Variants in ARHGAP24 observed in about 807,000 individuals in gnomAD.
The protein encoded by ARHGAP24 is Rho GTPase activating protein 24.
Under a neutral mutation model 76.4 loss-of-function variants are expected in ARHGAP24, and 50 were observed. The ratio of observed to expected loss-of-function variants is 0.65; its 90% confidence interval spans 0.52 to 0.83. The LOEUF is 0.83. ARHGAP24 is among the 40% of genes least tolerant of loss of function. The pLI, the probability that ARHGAP24 is intolerant of heterozygous loss-of-function variation, is 0.00. For missense variants in ARHGAP24, 930 were observed against 914.2 expected, an observed-to-expected ratio of 1.02 and a Z score of -0.22; for synonymous variants, 345 against 323.3, an observed-to-expected ratio of 1.07 and a Z score of -0.72.
intron 2 of ARHGAP24, among the ~76,000 whole-genome samples, chr4:85,653,726 C>T (rs535720157): frequency 6.6e-6 from 1 of 152,124 alleles, no homozygotes; most frequent in Admixed American, 6.6e-5. Context: ...CTCAAGTGAT[C>T]CACCCACCTC....
At chr4:85,579,116 G>A (rs1170679854) in intron 2 of ARHGAP24, among the ~76,000 whole-genome samples, 1 of 151,956 alleles carries the variant, frequency 6.6e-6, no homozygotes, top group African/African-American at 2.4e-5. Context: ...AATTCTCTTT[G>A]CAAAACCGGC....
At chr4:85,564,058 A>G (rs1235609903) in intron 1 of ARHGAP24, among the ~76,000 whole-genome samples, 4 of 152,182 alleles carry the variant, frequency 2.6e-5, no homozygotes, top group African/African-American at 7.2e-5. Flanking sequence ...TAAACACTGG[A>G]TGGCAACACT....
intron 8 of ARHGAP24, among the ~76,000 whole-genome samples, chr4:85,987,815 TACAAAC>T (rs1740093454): frequency 6.6e-6 from 1 of 151,816 alleles, no homozygotes; most frequent in Non-Finnish European, 1.5e-5. Context: ...TGATGAAAAT[TACAAAC>T]ACAAAGATCT....
intron 4 of ARHGAP24, among the ~76,000 whole-genome samples, chr4:85,933,210 C>G (rs1320934186): frequency 6.6e-6 from 1 of 151,978 alleles, no homozygotes; most frequent in Non-Finnish European, 1.5e-5. Flanking sequence ...TGTGTGAAGC[C>G]AGGAAAAATG....
At chr4:85,686,588 A>G (rs1452088702) in intron 2 of ARHGAP24, 3 of 152,182 alleles carry the variant, frequency 2.0e-5, no homozygotes, top group Non-Finnish European at 2.9e-5. Flanking sequence ...TTGCAATAAT[A>G]TTTATGTCCT....
At chr4:85,602,781 G>A (rs866410376) in intron 2 of ARHGAP24, among the ~76,000 whole-genome samples, 4 of 151,928 alleles carry the variant, frequency 2.6e-5, no homozygotes, top group African/African-American at 7.3e-5. Flanking sequence ...TCCTACCATG[G>A]CAATTTCTGA....
At chr4:85,748,086 T>G (rs772350778) in intron 3 of ARHGAP24, among the ~76,000 whole-genome samples, 1 of 152,246 alleles carries the variant, frequency 6.6e-6, no homozygotes, top group Non-Finnish European at 1.5e-5. Context: ...ACAGGTTCCC[T>G]GTAAGGCAGG....
At chr4:85,910,865 G>T (rs902105614) in intron 3 of ARHGAP24, among the ~76,000 whole-genome samples, 1 of 152,058 alleles carries the variant, frequency 6.6e-6, no homozygotes, top group East Asian at 1.9e-4. Context: ...CCAGCCTTCA[G>T]GTCATCCCCG....
chr4:85,776,491 A>G (rs1377207), intron 3 of ARHGAP24, among the ~76,000 whole-genome samples: 135,416 of 152,178 alleles, frequency 0.89, 62,432 homozygotes, highest in East Asian at 1. Flanking sequence ...GCCGTTTTAG[A>G]TTGTATTGGA....
At chr4:85,985,718 C>G (rs1739942439) in intron 8 of ARHGAP24, among the ~76,000 whole-genome samples, 1 of 152,198 alleles carries the variant, frequency 6.6e-6, no homozygotes. Flanking sequence ...CAGGCATTAT[C>G]TCTCACAGGC....
chr4:85,806,437 C>T (rs532648037), intron 3 of ARHGAP24, among the ~76,000 whole-genome samples: 14 of 152,224 alleles, frequency 9.2e-5, no homozygotes, highest in East Asian at 3.9e-4. Context: ...TAATGTGTGA[C>T]CATCATGAAT....
intron 3 of ARHGAP24, among the ~76,000 whole-genome samples, chr4:85,742,962 C>G (rs1725879379): frequency 6.6e-6 from 1 of 152,036 alleles, no homozygotes; most frequent in Non-Finnish European, 1.5e-5. Flanking sequence ...ATGTTATAAA[C>G]TTTATGATTT....
At chr4:85,911,298 G>A (rs1164508733) in intron 3 of ARHGAP24, among the ~76,000 whole-genome samples, 2 of 152,154 alleles carry the variant, frequency 1.3e-5, no homozygotes, top group Non-Finnish European at 2.9e-5. Flanking sequence ...GCCGGCTTGT[G>A]CAGCTCTGGC....
intron 1 of ARHGAP24, among the ~76,000 whole-genome samples, chr4:85,567,748 C>A (rs895015977): frequency 6.6e-6 from 1 of 152,158 alleles, no homozygotes; most frequent in African/African-American, 2.4e-5. Context: ...AGCCCAGCAT[C>A]CTCATTTTAA....
chr4:85,979,956 A>G (rs535781710), intron 8 of ARHGAP24, among the ~76,000 whole-genome samples: 11 of 152,312 alleles, frequency 7.2e-5, no homozygotes, highest in Admixed American at 5.2e-4. Flanking sequence ...ATCTTTGGCC[A>G]GTGGAAGCAT....
At chr4:85,822,042 A>G (rs1343593020) in intron 3 of ARHGAP24, among the ~76,000 whole-genome samples, 1 of 152,164 alleles carries the variant, frequency 6.6e-6, no homozygotes, top group Non-Finnish European at 1.5e-5. Context: ...TTACAATTTC[A>G]TTTGTGTTGA....
At chr4:85,968,778 C>A (rs990104075) in intron 5 of ARHGAP24, among the ~76,000 whole-genome samples, 6 of 152,026 alleles carry the variant, frequency 3.9e-5, no homozygotes, top group African/African-American at 1.4e-4. Context: ...AAATGCAGAA[C>A]TCTCTATCTC....
chr4:85,777,917 A>G (rs2110082109), intron 3 of ARHGAP24, among the ~76,000 whole-genome samples: 1 of 152,318 alleles, frequency 6.6e-6, no homozygotes, highest in East Asian at 1.9e-4. Context: ...GAAAATTGTT[A>G]TGTTGCTTCT....
At chr4:85,706,869 G>T (rs1724328750) in intron 2 of ARHGAP24, among the ~76,000 whole-genome samples, 1 of 151,972 alleles carries the variant, frequency 6.6e-6, no homozygotes, top group Admixed American at 6.6e-5. Flanking sequence ...CAGCCAAAAA[G>T]ATGTATTTTT....
Sources: gnomAD v4.1 joint callset for allele counts (sites outside exome capture counted in the v4.1 genomes callset) on GRCh38, gnomAD v4.1.1 for gene constraint, MANE v1.5 for transcripts, NCBI Gene and HGNC (gene_info 2026-07-23, HGNC 2026-07-21) for gene names.